The following FILIP1 variants were observed in gnomAD, a reference collection of about 807,000 sequenced individuals.
FILIP1 encodes filamin A interacting protein 1.
In FILIP1, 61 loss-of-function variants were observed where a neutral mutation model predicts 102.1. That is an observed-to-expected ratio of 0.60 (90% CI 0.49 to 0.74). The LOEUF is 0.74. Among genes scored for constraint, FILIP1 ranks in the 30% least tolerant of loss-of-function variants. The pLI, the probability that FILIP1 is intolerant of heterozygous loss-of-function variation, is 0.00. For missense variants in FILIP1, 1,314 were observed against 1,441.2 expected, an observed-to-expected ratio of 0.91 and a Z score of 1.43; for synonymous variants, 491 against 526.9, an observed-to-expected ratio of 0.93 and a Z score of 0.93.
intron 4 of FILIP1, among the ~76,000 whole-genome samples, chr6:75,340,861 A>ATT (rs59666589): frequency 2.9e-4 from 27 of 94,292 alleles, no homozygotes; most frequent in East Asian, 5.9e-4. Context: ...ATGCTCAGGA[A>ATT]TTTTTTTTTT....
At chr6:75,434,409 C>T (rs1169954390) in intron 1 of FILIP1, among the ~76,000 whole-genome samples, 1 of 152,168 alleles carries the variant, frequency 6.6e-6, no homozygotes, top group Non-Finnish European at 1.5e-5. Flanking sequence ...CTTCACATCC[C>T]TTGTAAGTTG....
intron 1 of FILIP1, among the ~76,000 whole-genome samples, chr6:75,488,988 T>C (rs955981202): frequency 6.6e-6 from 1 of 152,176 alleles, no homozygotes; most frequent in Non-Finnish European, 1.5e-5. Flanking sequence ...TTTTGGTCTT[T>C]TCATTTTTAT....
intron 4 of FILIP1, among the ~76,000 whole-genome samples, chr6:75,322,781 C>A (rs1267952085): frequency 2.0e-5 from 3 of 152,116 alleles, no homozygotes; most frequent in Admixed American, 6.5e-5. Context: ...GTAACCTCAG[C>A]CTCCCGGGTT....
intron 6 of FILIP1, among the ~76,000 whole-genome samples, chr6:75,297,784 A>G (rs1255568792): frequency 6.6e-6 from 1 of 152,176 alleles, no homozygotes; most frequent in East Asian, 1.9e-4. Flanking sequence ...CCCTGGTAAA[A>G]TTAAAGTTAT....
chr6:75,457,400 T>C (rs1185444610), intron 1 of FILIP1, among the ~76,000 whole-genome samples: 1 of 152,216 alleles, frequency 6.6e-6, no homozygotes, highest in Non-Finnish European at 1.5e-5. Context: ...GTGAACTACC[T>C]GTGGCAAACC....
At chr6:75,369,547 C>G (rs1775447925) in intron 2 of FILIP1, among the ~76,000 whole-genome samples, 1 of 151,290 alleles carries the variant, frequency 6.6e-6, no homozygotes, top group Non-Finnish European at 1.5e-5. Context: ...GACAATTTAA[C>G]TGTATTTTAA....
chr6:75,434,615 C>T (rs542091047), intron 1 of FILIP1, among the ~76,000 whole-genome samples: 1 of 152,322 alleles, frequency 6.6e-6, no homozygotes, highest in Admixed American at 6.5e-5. Context: ...TCTAAATATA[C>T]AATCATGTCA....
intron 1 of FILIP1, among the ~76,000 whole-genome samples, chr6:75,483,407 C>A (rs1267539593): frequency 1.3e-5 from 2 of 152,158 alleles, no homozygotes; most frequent in Middle Eastern, 3.4e-3. Context: ...GGGAACCCAG[C>A]CAAACTCACA....
chr6:75,429,320 G>A (rs2149706026), intron 1 of FILIP1, among the ~76,000 whole-genome samples: 1 of 152,260 alleles, frequency 6.6e-6, no homozygotes, highest in South Asian at 2.1e-4. Flanking sequence ...GGAAGCAAGA[G>A]GCCAACTCTG....
At chr6:75,327,206 C>T (rs891615060) in intron 4 of FILIP1, among the ~76,000 whole-genome samples, 1 of 152,208 alleles carries the variant, frequency 6.6e-6, no homozygotes, top group African/African-American at 2.4e-5. Context: ...TCTTGAGTAA[C>T]ATCCCTGCAT....
chr6:75,335,118 T>G (rs1774199760), intron 4 of FILIP1, among the ~76,000 whole-genome samples: 1 of 152,144 alleles, frequency 6.6e-6, no homozygotes, highest in Non-Finnish European at 1.5e-5. Flanking sequence ...TACTGGAATT[T>G]AAATAGGGAT....
chr6:75,377,380 A>C (rs543585674), intron 2 of FILIP1, among the ~76,000 whole-genome samples: 1 of 152,316 alleles, frequency 6.6e-6, no homozygotes, highest in African/African-American at 2.4e-5. Context: ...TTGCCCTTTC[A>C]ATATATTGGA....
intron 4 of FILIP1, among the ~76,000 whole-genome samples, chr6:75,317,033 A>C (rs7743227): frequency 0.59 from 89,443 of 152,044 alleles, 26,443 homozygotes; most frequent in South Asian, 0.69. Context: ...AGCTTCTAAA[A>C]ATATATTTTT....
chr6:75,408,235 C>T (rs781726224), intron 2 of FILIP1, among the ~76,000 whole-genome samples: 7 of 152,180 alleles, frequency 4.6e-5, no homozygotes, highest in Non-Finnish European at 7.3e-5. Context: ...GCAGGCCATG[C>T]GGGCCAGTCA....
chr6:75,421,405 C>A (rs1408340671), intron 1 of FILIP1, among the ~76,000 whole-genome samples: 3 of 152,124 alleles, frequency 2.0e-5, no homozygotes, highest in African/African-American at 7.2e-5. Flanking sequence ...AACAGGGTAA[C>A]CAGGACACAG....
chr6:75,490,380 TA>T (rs1257312882), intron 1 of FILIP1, among the ~76,000 whole-genome samples: 6 of 152,114 alleles, frequency 3.9e-5, no homozygotes, highest in Non-Finnish European at 8.8e-5. Flanking sequence ...TCTCACTCAA[TA>T]AGGCTACAGT....
intron 1 of FILIP1, among the ~76,000 whole-genome samples, chr6:75,472,669 T>C (rs1206427323): frequency 2.0e-5 from 3 of 152,184 alleles, no homozygotes; most frequent in Non-Finnish European, 2.9e-5. Flanking sequence ...GAATAATTCA[T>C]GAATGTACTA....
chr6:75,302,479 G>C (rs1200619763), intron 6 of FILIP1, among the ~76,000 whole-genome samples: 2 of 152,032 alleles, frequency 1.3e-5, no homozygotes, highest in African/African-American at 4.8e-5. Context: ...TAAACCCCAG[G>C]GTAGATTCTG....
At chr6:75,319,842 A>AG in intron 4 of FILIP1, 1 of 425,340 alleles carries the variant, frequency 2.4e-6, no homozygotes, top group Non-Finnish European at 4.2e-6. Context: ...AAAAAAAAAA[A>AG]GAAAAGAAAA....
Sources: allele counts gnomAD v4.1 joint callset (sites outside exome capture counted in the v4.1 genomes callset), GRCh38; gene constraint gnomAD v4.1.1; transcripts MANE v1.5; gene names NCBI Gene and HGNC (gene_info 2026-07-23, HGNC 2026-07-21).